Variants in SERBP1 observed in about 807,000 individuals in gnomAD.
SERBP1 encodes SERPINE1 mRNA binding protein 1, also known as SERPINE1 mRNA-binding protein 1.
A neutral mutation model predicts 50.2 loss-of-function variants in SERBP1; 6 were observed. The observed-to-expected ratio is 0.12, with a 90% CI of 0.07 to 0.24. The LOEUF (loss-of-function observed/expected upper bound fraction) is 0.24, where lower values mean the gene tolerates loss of function less well. Ranked by LOEUF, SERBP1 falls within the 10% of genes least tolerant of loss-of-function variation. The probability of loss-of-function intolerance (pLI) is 1.00; values close to 1 mark genes in which losing one functional copy is unlikely to be tolerated. For missense variants in SERBP1, 346 were observed against 524.9 expected, an observed-to-expected ratio of 0.66 and a Z score of 3.33; for synonymous variants, 168 against 182.8, an observed-to-expected ratio of 0.92 and a Z score of 0.65.
In SERBP1 at chr1:67,416,011, CTTT is replaced by C. The variant is rs376512995; in HGVS notation, c.952-675_952-673del. Among the ~76,000 whole-genome samples the C allele has an allele frequency of 2.9e-4, 36 of 125,306 alleles. 1 individual carries two copies. In the East Asian group the frequency reaches 5.1e-3, roughly 18 times the overall value. 82.2% of individuals were successfully genotyped at this position (125,306 alleles called of 152,430 possible). A position where few individuals can be genotyped will look rare whatever the true frequency, so the allele number is the denominator to read the frequency against. ...CACACCTTAAATGTGTCACAGGAAC[CTTT>C]TTTTTTTTTTTTTTTTGAGACAGGG... On this transcript the variant is annotated intron_variant, in intron 6 of 7. Transcript: ENST00000361219.
intron 1 of SERBP1, among the ~76,000 whole-genome samples, chr1:67,427,012 T>C (rs1667408038): frequency 6.6e-6 from 1 of 152,184 alleles, no homozygotes; most frequent in Non-Finnish European, 1.5e-5. Context: ...TTTTATAGCA[T>C]GTAAGTGTAT....
At chr1:67,416,989 T>C (rs760923426) in intron 6 of SERBP1, among the ~76,000 whole-genome samples, 1 of 152,250 alleles carries the variant, frequency 6.6e-6, no homozygotes, top group Non-Finnish European at 1.5e-5. Flanking sequence ...AGGCCAGGTG[T>C]GGTGGCTGAC....
At chr1:67,419,422 A>G (rs988118531) in intron 6 of SERBP1, among the ~76,000 whole-genome samples, 32 of 152,320 alleles carry the variant, frequency 2.1e-4, no homozygotes, top group Admixed American at 2.0e-3. Context: ...CATGTTGTTC[A>G]ACAAGTCAAC....
rs1557496733 is a variant in SERBP1 at position 67,410,173 on chromosome 1, C to T, written c.*3034G>A. ...TCTAGTAACTTCCTATTTCTCATTCCTTTGAACCTTTTAACACCTGTTGTT... is the reference window on the plus strand; with the variant it reads ...TCTAGTAACTTCCTATTTCTCATTCTTTTGAACCTTTTAACACCTGTTGTT... On this transcript the variant is annotated 3_prime_UTR_variant, in exon 8 of 8. Coordinates refer to ENST00000361219, the MANE Select transcript of SERBP1 (RefSeq NM_001018069.2). The T allele has an allele frequency of 6.6e-6, 1 of 152,100 alleles. No individual in the cohort carries two copies. Among genetic ancestry groups the T allele is most frequent in the Non-Finnish European group, 1.5e-5 (1 of 68,012 alleles). The allele number at this position is 152,100 out of a possible 1,614,324, so 9.4% of individuals were successfully genotyped here.
chr1:67,426,207 C>T lies in SERBP1; in HGVS notation c.392G>A (p.Arg131Gln), dbSNP rs1050513037. The T allele has an allele frequency of 3.7e-6, 6 of 1,610,542 alleles. No individual in the cohort carries two copies. The highest frequency in any genetic ancestry group is 1.7e-5 in the Admixed American group (1 of 59,446). ...TTCGAATCTTCGTTCACGAGGTGGT[C>T]GCCTTTCTGGTCTTCTATCAATTAT... The part of the protein sequence containing the change: ...GKIIDRRPER[R>Q]PPRERRFEKP... The change falls in exon 2 of 8, where the codon CGA becomes CAA. Residue 131 changes from arginine (R) to glutamine (Q), a missense_variant. By Grantham distance (43) the Arg-to-Gln change is conservative (BLOSUM62 1). Around this residue, in one of 5 missense-constraint regions of SERBP1, gnomAD observed 257 missense variants for 331.2 expected, o/e 0.78. Coordinates refer to ENST00000361219, the MANE Select transcript of SERBP1 (RefSeq NM_001018069.2).
rs768733223 is a variant in SERBP1, at chr1:67,409,386, G to GACACACACAC, written c.*3811_*3820dup. 0.023 allele frequency: 2,663 copies of GACACACACAC among 114,116 alleles called. 52 individuals are homozygous for GACACACACAC. Among genetic ancestry groups the GACACACACAC allele is most frequent in the Middle Eastern group, 0.039 (9 of 230 alleles). The allele number at this position is 114,116 out of a possible 1,614,324, so 7.1% of individuals were successfully genotyped here. A position where few individuals can be genotyped will look rare whatever the true frequency, so the allele number is the denominator to read the frequency against. On this transcript the variant is annotated 3_prime_UTR_variant, in exon 8 of 8. Transcript: ENST00000361219. ...AAACCATTCTTAACTCAGGGACACG[G>GACACACACAC]ACACACACACACACACACACACACA...
chr1:67,425,670 T>C (rs1210551590), intron 2 of SERBP1, among the ~76,000 whole-genome samples: 1 of 152,222 alleles, frequency 6.6e-6, no homozygotes, highest in African/African-American at 2.4e-5. Context: ...CAACAAAGTG[T>C]TTCCATTACA....
At chr1:67,413,291 C>A (rs2100408962) in intron 7 of SERBP1, 28 bp from the exon 8 acceptor site, 2 of 1,535,942 alleles carry the variant, frequency 1.3e-6, no homozygotes, top group East Asian at 4.7e-5. Flanking sequence ...AAATTAACCA[C>A]AGTTCTCAGT....
intron 1 of SERBP1, among the ~76,000 whole-genome samples, chr1:67,428,233 T>C (rs1249371712): frequency 1.3e-5 from 2 of 152,232 alleles, no homozygotes; most frequent in East Asian, 1.9e-4. Flanking sequence ...TAACATGGAA[T>C]AGTTTTCCCA....
chr1:67,425,262 CAGA>C, intron 2 of SERBP1, 39 bp from the exon 3 acceptor site: 1 of 1,534,792 alleles, frequency 6.5e-7, no homozygotes, highest in Non-Finnish European at 8.8e-7. Flanking sequence ...CCATGGTTTC[CAGA>C]AGAAATGAGG....
intron 5 of SERBP1, among the ~76,000 whole-genome samples, chr1:67,422,028 T>TGA (rs1667215187): frequency 6.6e-6 from 1 of 152,210 alleles, no homozygotes; most frequent in Non-Finnish European, 1.5e-5. Context: ...CTTCATTGTT[T>TGA]ATCATGCAAA....
chr1:67,416,318 C>G (rs891676084), intron 6 of SERBP1, among the ~76,000 whole-genome samples: 3 of 152,180 alleles, frequency 2.0e-5, no homozygotes, highest in Non-Finnish European at 4.4e-5. Context: ...CAGCTAGAAA[C>G]TTCTTAAAAA....
intron 5 of SERBP1, among the ~76,000 whole-genome samples, chr1:67,423,868 G>A (rs896673821): frequency 5.3e-5 from 8 of 151,986 alleles, no homozygotes; most frequent in Admixed American, 4.6e-4. Context: ...AAGCGTTAGA[G>A]TCAAATATAT....
chr1:67,428,623 A>G (rs1039908022), intron 1 of SERBP1, among the ~76,000 whole-genome samples: 3 of 152,048 alleles, frequency 2.0e-5, no homozygotes, highest in African/African-American at 7.2e-5. Context: ...ATGCTTTCTA[A>G]TACTCCAACT....
rs1553132862 is a variant in SERBP1 at position 67,409,421 on chromosome 1, C to CACACACACACCCA, written c.*3785_*3786insTGGGTGTGTGTGT. 9.2e-6 allele frequency: 1 copy of CACACACACACCCA among 108,950 alleles called. No homozygotes were observed. Among genetic ancestry groups the CACACACACACCCA allele is most frequent in the African/African-American group, 4.0e-5 (1 of 24,862 alleles). 6.7% of individuals were successfully genotyped at this position (108,950 alleles called of 1,614,324 possible). On this transcript the variant is annotated 3_prime_UTR_variant, in exon 8 of 8. Transcript: ENST00000361219. ...CACACACACACACACACACACACAC[C>CACACACACACCCA]CCCACACACACCAGGTCACAGGCTG...
intron 1 of SERBP1, 142 bp downstream of exon 1, chr1:67,429,846 C>G (rs1667510991): frequency 1.0e-6 from 1 of 1,001,252 alleles, no homozygotes; most frequent in African/African-American, 1.6e-5. Context: ...CAGGACCGGA[C>G]TTTTGTCGCG....
In SERBP1 at chr1:67,410,689, T is replaced by C. The variant is rs1666806825; in HGVS notation, c.*2518A>G. Reference sequence around the variant, plus strand: ...GCCACCATTACTTTAGGAATCTTTATCTGTTTAGGGATTTTTCCCCTAGAC... The same window carrying C: ...GCCACCATTACTTTAGGAATCTTTACCTGTTTAGGGATTTTTCCCCTAGAC... On this transcript the variant is annotated 3_prime_UTR_variant, in exon 8 of 8. Transcript: ENST00000361219. The C allele has an allele frequency of 6.6e-6, 1 of 152,204 alleles. No individual in the cohort carries two copies. Among genetic ancestry groups the C allele is most frequent in the East Asian group, 1.9e-4 (1 of 5,190 alleles). 9.4% of individuals were successfully genotyped at this position (152,204 alleles called of 1,614,324 possible). A position where few individuals can be genotyped will look rare whatever the true frequency, so the allele number is the denominator to read the frequency against.
rs1666684778 is a variant in SERBP1, at chr1:67,407,834, C to T, written c.*5373G>A. 6.6e-6 allele frequency: 1 copy of T among 152,196 alleles called. No individual in the cohort carries two copies. Among genetic ancestry groups the T allele is most frequent in the Admixed American group, 6.5e-5 (1 of 15,276 alleles). The allele number at this position is 152,196 out of a possible 1,614,324, so 9.4% of individuals were successfully genotyped here. On this transcript the variant is annotated 3_prime_UTR_variant, in exon 8 of 8. Transcript: ENST00000361219. The stretch of plus-strand genomic sequence containing the variant: ...GTTCCCAAAATAAAACAAAAATTTA[C>T]TTGGACGTTATTCATTGGCTAATAG...
chr1:67,425,416 A>G (rs955011965), intron 2 of SERBP1, among the ~76,000 whole-genome samples, 193 bp from the exon 3 acceptor site: 1 of 152,234 alleles, frequency 6.6e-6, no homozygotes, highest in Non-Finnish European at 1.5e-5. Context: ...TCCCAAAACA[A>G]GAAAACTATT....
Sources: gnomAD v4.1 joint callset for allele counts (sites outside exome capture counted in the v4.1 genomes callset) on GRCh38, gnomAD v4.1.1 for gene constraint, gnomAD v4.1.1 regional missense constraint, MANE v1.5 for transcripts, NCBI Gene and HGNC (gene_info 2026-07-23, HGNC 2026-07-21) for gene names.